Variants in LYPLAL1 observed in about 807,000 individuals in gnomAD.
LYPLAL1 encodes lysophospholipase like 1.
Under a neutral mutation model 19.7 loss-of-function variants are expected in LYPLAL1, and 23 were observed. The ratio of observed to expected loss-of-function variants is 1.17; its 90% confidence interval spans 0.84 to 1.65. The LOEUF (loss-of-function observed/expected upper bound fraction) is 1.65. Ranked by LOEUF, LYPLAL1 falls within the 40% of genes most tolerant of loss-of-function variation. The pLI is 0.00. For synonymous variants in LYPLAL1, 119 were observed against 96.3 expected, an observed-to-expected ratio of 1.24 and a Z score of -1.38; for missense variants, 355 against 279.4, an observed-to-expected ratio of 1.27 and a Z score of -1.93.
chr1:219,238,889 A>G, the LYPLAL1 span, among the ~76,000 whole-genome samples: 4 of 152,198 alleles, frequency 2.6e-5, no homozygotes, highest in Non-Finnish European at 4.4e-5. Context: ...GGCATTTTCT[A>G]TATGAATTCA....
At chr1:219,334,307 G>A in the LYPLAL1 span, among the ~76,000 whole-genome samples, 54 of 152,016 alleles carry the variant, frequency 3.6e-4, no homozygotes, top group Non-Finnish European at 4.4e-4. Flanking sequence ...TTGATCATCA[G>A]TCTCATCTCC....
chr1:219,179,414 C>A, intron 2 of LYPLAL1, 168 bp downstream of exon 2: 2 of 571,200 alleles, frequency 3.5e-6, no homozygotes, highest in South Asian at 2.4e-5. Context: ...ACTGTTGGAC[C>A]AAGTTTTGCC....
the LYPLAL1 span, among the ~76,000 whole-genome samples, chr1:219,335,783 G>A: frequency 1.3e-5 from 2 of 151,720 alleles, no homozygotes; most frequent in Admixed American, 1.3e-4. Context: ...ATACACAGTT[G>A]CCAATAAACA....
At chr1:219,277,940 T>G in the LYPLAL1 span, among the ~76,000 whole-genome samples, 7 of 152,176 alleles carry the variant, frequency 4.6e-5, no homozygotes, top group Admixed American at 3.9e-4. Flanking sequence ...TGTTGTTGTT[T>G]AAGTATTGGA....
the LYPLAL1 span, among the ~76,000 whole-genome samples, chr1:219,373,863 CAAAAAAAAAA>C: frequency 9.8e-6 from 1 of 102,216 alleles, no homozygotes; most frequent in Non-Finnish European, 2.0e-5. Flanking sequence ...ATAAAATTGT[CAAAAAAAAAA>C]AAAAAAAACA....
the LYPLAL1 span, among the ~76,000 whole-genome samples, chr1:219,306,163 G>A: frequency 0.098 from 14,891 of 152,248 alleles, 809 homozygotes; most frequent in African/African-American, 0.11. Context: ...GAGAGGCCAA[G>A]TCCAAAATAC....
At chr1:219,445,413 G>GA in the LYPLAL1 span, among the ~76,000 whole-genome samples, 2 of 107,862 alleles carry the variant, frequency 1.9e-5, no homozygotes, top group South Asian at 4.0e-4. Context: ...CAAATTGGGG[G>GA]GGGGGCGGTG....
At chr1:219,357,521 C>T in the LYPLAL1 span, among the ~76,000 whole-genome samples, 2 of 152,160 alleles carry the variant, frequency 1.3e-5, no homozygotes, top group South Asian at 4.1e-4. Context: ...GGCTAATTAT[C>T]AATTGCTGTC....
chr1:219,387,462 A>G, the LYPLAL1 span, among the ~76,000 whole-genome samples: 1 of 152,174 alleles, frequency 6.6e-6, no homozygotes, highest in Non-Finnish European at 1.5e-5. Context: ...TTGATAAGGA[A>G]ACTAAAATTT....
chr1:219,323,296 A>G, the LYPLAL1 span, among the ~76,000 whole-genome samples: 5 of 152,216 alleles, frequency 3.3e-5, no homozygotes, highest in African/African-American at 9.6e-5. Flanking sequence ...CCTCATGAAG[A>G]GGAAGAAAAA....
chr1:219,384,446 G>T, the LYPLAL1 span, among the ~76,000 whole-genome samples: 2 of 152,178 alleles, frequency 1.3e-5, no homozygotes, highest in African/African-American at 4.8e-5. Flanking sequence ...GCATTTGGGA[G>T]GCATTCCAGC....
chr1:219,181,405 C>G (rs560151458), intron 2 of LYPLAL1, among the ~76,000 whole-genome samples: 3 of 152,142 alleles, frequency 2.0e-5, no homozygotes, highest in Non-Finnish European at 4.4e-5. Context: ...TTGGGAGCCA[C>G]TGTTCTAGAT....
chr1:219,262,017 A>G, the LYPLAL1 span, among the ~76,000 whole-genome samples: 31 of 152,158 alleles, frequency 2.0e-4, no homozygotes, highest in East Asian at 4.8e-3. Context: ...CATAATCCCA[A>G]ATTTCTCAGA....
the LYPLAL1 span, among the ~76,000 whole-genome samples, chr1:219,352,907 C>T: frequency 6.6e-6 from 1 of 152,198 alleles, no homozygotes; most frequent in African/African-American, 2.4e-5. Flanking sequence ...CCATGCTATC[C>T]TTTTGCTCAA....
the LYPLAL1 span, among the ~76,000 whole-genome samples, chr1:219,357,493 C>G: frequency 6.6e-6 from 1 of 152,028 alleles, no homozygotes; most frequent in African/African-American, 2.4e-5. Context: ...AATGAGATAC[C>G]ATACTCACTA....
chr1:219,198,964 A>G (rs1175962601), intron 3 of LYPLAL1, among the ~76,000 whole-genome samples: 3 of 152,188 alleles, frequency 2.0e-5, no homozygotes, highest in African/African-American at 4.8e-5. Context: ...TAACTATTCA[A>G]AGTATATATA....
At chr1:219,337,975 G>A in the LYPLAL1 span, among the ~76,000 whole-genome samples, 1 of 151,994 alleles carries the variant, frequency 6.6e-6, no homozygotes, top group Admixed American at 6.6e-5. Flanking sequence ...GTTACTTGCT[G>A]TGGGCATTTG....
chr1:219,214,033 A>G (rs543358044), downstream of LYPLAL1, among the ~76,000 whole-genome samples: 2 of 152,248 alleles, frequency 1.3e-5, no homozygotes, highest in South Asian at 2.1e-4. Flanking sequence ...GTTTTAATAC[A>G]TGTCCATTAT....
At chr1:219,179,399 G>C in intron 2 of LYPLAL1, 153 bp downstream of exon 2, 1 of 629,998 alleles carries the variant, frequency 1.6e-6, no homozygotes, top group Non-Finnish European at 2.7e-6. Context: ...CTTTATTGCA[G>C]TTACACTGTT....
Sources: allele counts gnomAD v4.1 joint callset (sites outside exome capture counted in the v4.1 genomes callset), GRCh38; gene constraint gnomAD v4.1.1; transcripts MANE v1.5; gene names NCBI Gene and HGNC (gene_info 2026-07-23, HGNC 2026-07-21).